The following TENM1 variants were observed in gnomAD, a reference collection of about 807,000 sequenced individuals.
The protein encoded by TENM1 is teneurin transmembrane protein 1, also known as teneurin-1.
A neutral mutation model predicts 174.8 loss-of-function variants in TENM1; 35 were observed. That is an observed-to-expected ratio of 0.20 (90% confidence interval 0.15 to 0.27). The LOEUF (loss-of-function observed/expected upper bound fraction) is 0.27, where lower values mean the gene tolerates loss of function less well. TENM1 is among the 10% of genes least tolerant of loss of function. The pLI, the probability that TENM1 is intolerant of heterozygous loss-of-function variation, is 1.00. For synonymous variants in TENM1, 781 were observed against 798.7 expected (o/e 0.98, Z 0.37); for missense variants, 1,633 against 2,130.1 (o/e 0.77, Z 4.59).
chrX:125,194,369 T>C, the TENM1 span, among the ~76,000 whole-genome samples: 1 of 111,391 alleles, frequency 9.0e-6, no homozygotes, highest in South Asian at 3.9e-4. Context: ...TTACTGTCAC[T>C]GCCTTGGTTC....
intron 1 of TENM1, among the ~76,000 whole-genome samples, chrX:124,917,958 A>G (rs1202881690): frequency 8.9e-6 from 1 of 112,090 alleles, no homozygotes; most frequent in East Asian, 2.8e-4. Context: ...ATGAAATAGA[A>G]AGGGAACATC....
chrX:124,803,037 A>C (rs912459482), intron 3 of TENM1, among the ~76,000 whole-genome samples: 10 of 111,748 alleles, frequency 8.9e-5, no homozygotes, highest in Non-Finnish European at 1.7e-4. Flanking sequence ...TCTTATAACA[A>C]AGCCCAGTTC....
the TENM1 span, among the ~76,000 whole-genome samples, chrX:125,114,000 C>T: frequency 9.0e-6 from 1 of 111,238 alleles, no homozygotes. Flanking sequence ...AAATCGACCA[C>T]ATAATTAGAA....
chrX:124,570,693 A>G (rs921015079), intron 11 of TENM1, among the ~76,000 whole-genome samples: 2 of 112,014 alleles, frequency 1.8e-5, no homozygotes, highest in Admixed American at 9.5e-5. Context: ...AACTAAGACT[A>G]AAAGGAAATT....
chrX:124,470,792 T>A (rs755353239), intron 22 of TENM1, among the ~76,000 whole-genome samples: 7 of 110,373 alleles, frequency 6.3e-5, no homozygotes, highest in African/African-American at 2.3e-4. Context: ...CAACCATCAG[T>A]ACTATGACAC....
intron 22 of TENM1, among the ~76,000 whole-genome samples, chrX:124,471,602 GTAATATA>G (rs1483464803): frequency 1.4e-3 from 103 of 71,677 alleles, no homozygotes; most frequent in Non-Finnish European, 2.4e-3. Flanking sequence ...ATAATATAGA[GTAATATA>G]TAATATATAA....
At chrX:124,627,526 G>A (rs1003352392) in intron 11 of TENM1, among the ~76,000 whole-genome samples, 3 of 111,798 alleles carry the variant, frequency 2.7e-5, no homozygotes, top group Non-Finnish European at 3.8e-5. Flanking sequence ...GTATGGATTT[G>A]GAGAATGAGG....
intron 3 of TENM1, among the ~76,000 whole-genome samples, chrX:124,885,142 A>G (rs2057362821): frequency 9.0e-6 from 1 of 111,238 alleles, no homozygotes; most frequent in Non-Finnish European, 1.9e-5. Flanking sequence ...AAACACTCTT[A>G]TACAGCACAT....
chrX:125,013,636 A>T, the TENM1 span, among the ~76,000 whole-genome samples: 1 of 111,800 alleles, frequency 8.9e-6, no homozygotes, highest in Admixed American at 9.5e-5. Context: ...ACTGGATATG[A>T]CTGGATATGA....
intron 4 of TENM1, among the ~76,000 whole-genome samples, chrX:124,705,652 T>C (rs181282316): frequency 9.0e-6 from 1 of 111,726 alleles, no homozygotes; most frequent in East Asian, 2.8e-4. Flanking sequence ...TTTGAGATTA[T>C]CCTCACTACC....
At chrX:124,684,109 G>C (rs113696650) in intron 5 of TENM1, among the ~76,000 whole-genome samples, 5,051 of 111,687 alleles carry the variant, frequency 0.045, 276 homozygotes, top group African/African-American at 0.16. Flanking sequence ...AAAAGAAATG[G>C]AAATTAACAG....
the TENM1 span, among the ~76,000 whole-genome samples, chrX:125,086,920 T>C: frequency 2.2e-4 from 24 of 111,403 alleles, no homozygotes; most frequent in African/African-American, 7.8e-4. Context: ...GCAAAAGTAC[T>C]GGGACAAAAA....
intron 22 of TENM1, among the ~76,000 whole-genome samples, chrX:124,467,752 TTTTG>T (rs776938178): frequency 1.1e-3 from 122 of 111,370 alleles, no homozygotes; most frequent in East Asian, 4.2e-3. Flanking sequence ...TAAACCCTAG[TTTTG>T]TTTGTTTGTT....
intron 23 of TENM1, 28 bp from the exon 27 acceptor site, chrX:124,422,666 T>A: frequency 1.7e-6 from 2 of 1,179,399 alleles, no homozygotes; most frequent in Non-Finnish European, 2.3e-6. Flanking sequence ...CACATACCAT[T>A]AGGTTACCAT....
chrX:125,184,776 C>T, the TENM1 span, among the ~76,000 whole-genome samples: 1 of 111,208 alleles, frequency 9.0e-6, no homozygotes, highest in Non-Finnish European at 1.9e-5. Flanking sequence ...AGTAATGATG[C>T]ATAGCACTGC....
chrX:124,834,455 G>T (rs1040898808), intron 3 of TENM1, among the ~76,000 whole-genome samples: 10 of 112,033 alleles, frequency 8.9e-5, no homozygotes, highest in Non-Finnish European at 1.7e-4. Flanking sequence ...TTACAGGCAT[G>T]AGCCACTGCA....
chrX:124,402,436 G>A lies in TENM1; in HGVS notation c.5391+2595C>T, dbSNP rs188878500. Reference sequence around the variant, plus strand: ...ATCTGCTCAACTCTGCCACAGGATCGGAAATGGGTCACATTATAATTAGTA... The same window carrying A: ...ATCTGCTCAACTCTGCCACAGGATCAGAAATGGGTCACATTATAATTAGTA... On this transcript the variant is annotated intron_variant, in intron 27 of 31. Transcript: ENST00000422452. Among the ~76,000 whole-genome samples, 468 of 111,813 alleles carry A rather than the reference G, an allele frequency of 4.2e-3. 5 individuals are homozygous for A. Among genetic ancestry groups the A allele is most frequent in the African/African-American group, 0.014 (442 of 30,795 alleles).
the TENM1 span, among the ~76,000 whole-genome samples, chrX:125,011,423 A>C: frequency 2.7e-5 from 3 of 111,996 alleles, no homozygotes; most frequent in Admixed American, 1.9e-4. Context: ...AAATTTTTGC[A>C]ATCTACCTAT....
the TENM1 span, among the ~76,000 whole-genome samples, chrX:125,139,007 G>A: frequency 9.1e-6 from 1 of 110,179 alleles, no homozygotes; most frequent in Non-Finnish European, 1.9e-5. Flanking sequence ...TTGTTATCAT[G>A]GATGATAGTG....
Sources: gnomAD v4.1 joint callset for allele counts (sites outside exome capture counted in the v4.1 genomes callset) on GRCh38, gnomAD v4.1.1 for gene constraint, MANE v1.5 for transcripts, NCBI Gene and HGNC (gene_info 2026-07-23, HGNC 2026-07-21) for gene names.